FOXO1: variants seen among roughly 807,000 people sequenced by gnomAD.
The protein encoded by FOXO1 is forkhead box O1.
A neutral mutation model predicts 44.1 loss-of-function variants in FOXO1; 6 were observed. The observed-to-expected ratio is 0.14, with a 90% CI of 0.07 to 0.27. FOXO1 has a LOEUF of 0.27. FOXO1 is among the 10% of genes least tolerant of loss of function. FOXO1 has a pLI of 1.00. For missense variants in FOXO1, 737 were observed against 888.8 expected (o/e 0.83, Z 2.17); for synonymous variants, 380 against 362.7 (o/e 1.05, Z -0.54).
intron 1 of FOXO1, among the ~76,000 whole-genome samples, chr13:40,603,505 TA>T (rs1173465442): frequency 6.6e-6 from 1 of 152,096 alleles, no homozygotes; most frequent in Admixed American, 6.6e-5. Context: ...ACATTTGCCT[TA>T]AAAATATACA....
At chr13:40,591,536 G>A (rs919954111) in intron 1 of FOXO1, among the ~76,000 whole-genome samples, 1 of 152,160 alleles carries the variant, frequency 6.6e-6, no homozygotes, top group Non-Finnish European at 1.5e-5. Context: ...GGCCAGCCAG[G>A]TAGGGCGCCC....
intron 1 of FOXO1, among the ~76,000 whole-genome samples, chr13:40,579,389 A>G (rs933577981): frequency 1.3e-5 from 2 of 152,252 alleles, no homozygotes; most frequent in African/African-American, 4.8e-5. Context: ...CAAGACCCAC[A>G]GTAGACCTCT....
chr13:40,607,433 T>C (rs773940203), intron 1 of FOXO1, among the ~76,000 whole-genome samples: 7 of 152,016 alleles, frequency 4.6e-5, no homozygotes, highest in Admixed American at 3.3e-4. Flanking sequence ...GGCTAGGGAA[T>C]TGTTCCCCTA....
At chr13:40,620,082 A>T in intron 1 of FOXO1, 3 of 1,003,052 alleles carry the variant, frequency 3.0e-6, no homozygotes, top group Non-Finnish European at 3.1e-6. Flanking sequence ...GTATAACTCA[A>T]GTCTTTTTAG....
chr13:40,603,945 A>G (rs1875904400), intron 1 of FOXO1, among the ~76,000 whole-genome samples: 1 of 152,210 alleles, frequency 6.6e-6, no homozygotes, highest in South Asian at 2.1e-4. Context: ...AGTGCCATAT[A>G]CAATCATGAA....
At chr13:40,559,135 T>C (rs911026637) in intron 2 of FOXO1, 101 bp from the exon 3 acceptor site, 5 of 403,094 alleles carry the variant, frequency 1.2e-5, no homozygotes, top group African/African-American at 1.0e-4. Flanking sequence ...GTGACAGACA[T>C]ACTTAGGGGC....
At chr13:40,615,539 A>G (rs1042211628) in intron 1 of FOXO1, among the ~76,000 whole-genome samples, 2 of 96,196 alleles carry the variant, frequency 2.1e-5, no homozygotes, top group Admixed American at 1.9e-4. Context: ...ATACATACAT[A>G]CATACATACA....
intron 1 of FOXO1, among the ~76,000 whole-genome samples, chr13:40,576,318 T>C (rs1386830067): frequency 6.6e-6 from 1 of 152,028 alleles, no homozygotes; most frequent in Non-Finnish European, 1.5e-5. Flanking sequence ...GGACAGCCAG[T>C]GGAAGATCAG....
chr13:40,616,353 G>A (rs530151324), intron 1 of FOXO1, among the ~76,000 whole-genome samples: 30 of 152,176 alleles, frequency 2.0e-4, no homozygotes, highest in Non-Finnish European at 3.7e-4. Flanking sequence ...GTCAGAGAGC[G>A]CTGCAAAGGG....
chr13:40,559,680 C>T lies in FOXO1; in HGVS notation c.1811G>A (p.Gly604Asp), dbSNP rs1288363740. ...ACAGTCTAAGCGCTCAATGAACATG[C>T]CATCCAAGTCACTTGGGAGCTTCTC... is the stretch of plus-strand genomic sequence containing the variant. Reference protein sequence around the residue: ...HQEKLPSDLDGMFIERLDCDM... With the variant: ...HQEKLPSDLDDMFIERLDCDM... The change falls in exon 2 of 3, where the codon GGC becomes GAC. Residue 604 changes from glycine (G) to aspartate (D), a missense_variant. Gly to Asp is a moderately conservative substitution (Grantham distance 94). Coordinates refer to ENST00000379561, the MANE Select transcript of FOXO1 (RefSeq NM_002015.4). 1.5e-5 allele frequency: 24 copies of T among 1,614,088 alleles called. No homozygotes were observed. The highest frequency in any genetic ancestry group is 1.8e-5 in the Non-Finnish European group (21 of 1,180,036).
intron 1 of FOXO1, among the ~76,000 whole-genome samples, chr13:40,633,544 C>A (rs762339184): frequency 1.3e-5 from 2 of 152,056 alleles, no homozygotes; most frequent in Non-Finnish European, 2.9e-5. Flanking sequence ...TAAAATGATA[C>A]CATTTATACA....
intron 1 of FOXO1, among the ~76,000 whole-genome samples, chr13:40,642,440 C>G (rs1877383088): frequency 6.6e-6 from 1 of 152,196 alleles, no homozygotes; most frequent in Non-Finnish European, 1.5e-5. Context: ...CCTGTCACCA[C>G]ATATAAATGT....
At chr13:40,641,956 A>C (rs1877368228) in intron 1 of FOXO1, among the ~76,000 whole-genome samples, 1 of 152,214 alleles carries the variant, frequency 6.6e-6, no homozygotes, top group South Asian at 2.1e-4. Context: ...ATTGCACTCC[A>C]GCCTGGGAGA....
chr13:40,578,977 G>C (rs1437149217), intron 1 of FOXO1, among the ~76,000 whole-genome samples: 2 of 152,212 alleles, frequency 1.3e-5, no homozygotes, highest in East Asian at 3.8e-4. Context: ...CTAATGGCAA[G>C]ACGGTGGTAA....
Position 40,560,840 on chromosome 13 carries a change from C to T in FOXO1, c.651G>A (p.Leu217=). The change falls in exon 2 of 3, where the codon CTG becomes CTA. Residue 217 remains leucine (L), a synonymous_variant. Coordinates refer to ENST00000379561, the MANE Select transcript of FOXO1 (RefSeq NM_002015.4). This position sits in a 1 kb window ranked among gnomAD's most constrained non-coding sequence, Gnocchi z 5.1. The part of the protein sequence containing the change: ...AGWKNSIRHN[L]SLHSKFIRVQ... ...CACGAATGAACTTGCTGTGTAGGGA[C>T]AGATTATGACGAATTGAATTCTGTA... 6.2e-7 allele frequency: 1 copy of T among 1,605,552 alleles called. No individual in the cohort carries two copies. The highest frequency in any genetic ancestry group is 8.5e-7 in the Non-Finnish European group (1 of 1,176,708).
intron 1 of FOXO1, among the ~76,000 whole-genome samples, chr13:40,660,522 T>C (rs1444618577): frequency 6.6e-6 from 1 of 152,176 alleles, no homozygotes; most frequent in African/African-American, 2.4e-5. Context: ...GATGCTTGGA[T>C]GAAGGGGCTA....
intron 1 of FOXO1, among the ~76,000 whole-genome samples, chr13:40,622,243 T>A (rs1163742999): frequency 2.0e-5 from 3 of 152,246 alleles, no homozygotes; most frequent in African/African-American, 7.2e-5. Flanking sequence ...AAAAAAAGTC[T>A]ATAAAGAATC....
chr13:40,560,618 C>T lies in FOXO1; in HGVS notation c.873G>A (p.Gln291=), dbSNP rs1352302337. ...CAGGGCTTGCAGGCCATTTGGAAAA[C>T]TGTGATCCAGGGCTGTCCCCAGCAC... is the stretch of plus-strand genomic sequence containing the variant. ...QEGAGDSPGS[Q]FSKWPASPGS... is the part of the protein sequence containing the mutation. The change falls in exon 2 of 3, where the codon CAG becomes CAA. Residue 291 remains glutamine (Q), a synonymous_variant. Coordinates refer to ENST00000379561, the MANE Select transcript of FOXO1 (RefSeq NM_002015.4). The surrounding 1 kb of genome is among the most constrained non-coding windows in gnomAD (Gnocchi z 5.1). The T allele has an allele frequency of 3.1e-6, 5 of 1,614,068 alleles. No homozygotes were observed. The African/African-American group carries it at 4.0e-5, about 13-fold the overall frequency.
At chr13:40,567,744 CAGATCACA>C (rs1215411877) in intron 1 of FOXO1, among the ~76,000 whole-genome samples, 2 of 152,040 alleles carry the variant, frequency 1.3e-5, no homozygotes, top group African/African-American at 4.8e-5. Context: ...CTGAGGAGGG[CAGATCACA>C]AGATCAGGAG....
Sources: allele counts gnomAD v4.1 joint callset (sites outside exome capture counted in the v4.1 genomes callset), GRCh38; gene constraint gnomAD v4.1.1; non-coding constraint Gnocchi (gnomAD v3.1); transcripts MANE v1.5; gene names NCBI Gene and HGNC (gene_info 2026-07-23, HGNC 2026-07-21).